ASCC3: variants seen among roughly 807,000 people sequenced by gnomAD.
ASCC3 encodes activating signal cointegrator 1 complex subunit 3.
Under a neutral mutation model 256.3 loss-of-function variants are expected in ASCC3, and 158 were observed. That is an observed-to-expected ratio of 0.62 (90% CI 0.54 to 0.70). ASCC3 has a LOEUF of 0.70. Ranked by LOEUF, ASCC3 falls within the 30% of genes least tolerant of loss-of-function variation. The probability of loss-of-function intolerance (pLI) is 0.00; values close to 1 mark genes in which losing one functional copy is unlikely to be tolerated. For synonymous variants in ASCC3, 948 were observed against 883.4 expected (o/e 1.07, Z -1.30); for missense variants, 2,259 against 2,626.0 (o/e 0.86, Z 3.05).
intron 30 of ASCC3, among the ~76,000 whole-genome samples, chr6:100,620,821 C>T (rs1014114611): frequency 3.3e-5 from 5 of 152,086 alleles, no homozygotes; most frequent in African/African-American, 4.8e-5. Flanking sequence ...CAGAATATTA[C>T]GGAAAGTAAC....
At chr6:100,613,433 A>C (rs183050874) in intron 30 of ASCC3, among the ~76,000 whole-genome samples, 10 of 152,200 alleles carry the variant, frequency 6.6e-5, no homozygotes, top group Admixed American at 3.9e-4. Flanking sequence ...TTCCCTTATG[A>C]TAATGACCTA....
At chr6:100,726,227 C>T in intron 10 of ASCC3, among the ~76,000 whole-genome samples, 1 of 151,648 alleles carries the variant, frequency 6.6e-6, no homozygotes, top group Admixed American at 6.6e-5. Flanking sequence ...AAAAACATGC[C>T]CATATGTTGT....
intron 11 of ASCC3, among the ~76,000 whole-genome samples, chr6:100,721,619 G>A (rs1285685122): frequency 6.6e-6 from 1 of 151,644 alleles, no homozygotes; most frequent in Non-Finnish European, 1.5e-5. Flanking sequence ...TTAGCTAAAA[G>A]CTGGTTTTAT....
At chr6:100,849,865 C>T (rs1325238324) in intron 3 of ASCC3, among the ~76,000 whole-genome samples, 5 of 151,754 alleles carry the variant, frequency 3.3e-5, no homozygotes, top group African/African-American at 1.2e-4. Context: ...TTTGGGAGGC[C>T]GAGGTGGGTG....
At chr6:100,727,365 T>A (rs1418657703) in intron 10 of ASCC3, among the ~76,000 whole-genome samples, 1 of 151,998 alleles carries the variant, frequency 6.6e-6, no homozygotes, top group Non-Finnish European at 1.5e-5. Flanking sequence ...CCAAAAGGAA[T>A]TTTTTGAATT....
chr6:100,585,998 G>C (rs527631439), intron 36 of ASCC3, among the ~76,000 whole-genome samples: 140 of 152,286 alleles, frequency 9.2e-4, no homozygotes, highest in East Asian at 5.8e-4. Context: ...CTACTGGGGG[G>C]TGCCTCCCAG....
intron 10 of ASCC3, among the ~76,000 whole-genome samples, chr6:100,749,891 T>A (rs1057461332): frequency 6.6e-6 from 1 of 151,614 alleles, no homozygotes; most frequent in Non-Finnish European, 1.5e-5. Flanking sequence ...ATTTTACATA[T>A]AAAATTAATA....
intron 36 of ASCC3, among the ~76,000 whole-genome samples, chr6:100,583,138 T>C (rs1771408272): frequency 6.6e-6 from 1 of 152,232 alleles, no homozygotes; most frequent in African/African-American, 2.4e-5. Context: ...TTTCTATTGA[T>C]TGGAATAGTT....
At chr6:100,800,000 A>T (rs1161894536) in intron 6 of ASCC3, among the ~76,000 whole-genome samples, 1 of 152,038 alleles carries the variant, frequency 6.6e-6, no homozygotes, top group Non-Finnish European at 1.5e-5. Flanking sequence ...ATCTCAAATA[A>T]ATTTATGTAA....
rs140812072 is a variant in ASCC3 at position 100,586,349 on chromosome 6, C to G, written c.5550+3285G>C. 6.7e-4 allele frequency among the ~76,000 whole-genome samples: 102 copies of G among 152,278 alleles called. 1 individual carries two copies. The highest frequency in any genetic ancestry group is 2.4e-3 in the African/African-American group (100 of 41,554). ...GTTTGACCTCAGACTGCTGTGCTAG[C>G]AATCAGTGAGACTCCGTGGGCGTAG... On this transcript the variant is annotated intron_variant, in intron 36 of 41. Transcript: ENST00000369162.
chr6:100,628,818 G>A (rs866627452), intron 27 of ASCC3, among the ~76,000 whole-genome samples, 197 bp downstream of exon 27: 3 of 151,826 alleles, frequency 2.0e-5, no homozygotes, highest in Non-Finnish European at 2.9e-5. Flanking sequence ...AATTTTTTAT[G>A]TTTCACCTCA....
Position 100,734,337 on chromosome 6 carries a change from T to A in ASCC3, c.1738-8634A>T, listed in dbSNP as rs886671347. Among the ~76,000 whole-genome samples the A allele has an allele frequency of 2.6e-5, 4 of 152,290 alleles. No individual in the cohort carries two copies. The South Asian group carries it at 8.3e-4, about 32-fold the overall frequency. On this transcript the variant is annotated intron_variant, in intron 10 of 41. Coordinates refer to ENST00000369162, the MANE Select transcript of ASCC3 (RefSeq NM_006828.4). The stretch of plus-strand genomic sequence containing the variant: ...ATTAAAATGAGTTTTTGATACGACA[T>A]AAATATCAGATATTTCAACAATACT...
chr6:100,585,092 T>C (rs1038665235), intron 36 of ASCC3, among the ~76,000 whole-genome samples: 30 of 152,220 alleles, frequency 2.0e-4, no homozygotes, highest in Admixed American at 1.2e-3. Flanking sequence ...ATCTTTGTGG[T>C]GTTCTCTGTA....
rs1326684978 is a variant in ASCC3, at chr6:100,509,193, C to G, written c.*193G>C. 4 of 663,880 alleles carry G rather than the reference C, an allele frequency of 6.0e-6. No individual in the cohort carries two copies. Among genetic ancestry groups the G allele is most frequent in the African/African-American group, 3.6e-5 (2 of 55,444 alleles). 41.1% of individuals were successfully genotyped at this position (663,880 alleles called of 1,614,324 possible). ...CTCATAAAGATAACATTATAAAAGGCAACATTTGTTAAAAGGCCACTGTGG... is the reference window on the plus strand; with the variant it reads ...CTCATAAAGATAACATTATAAAAGGGAACATTTGTTAAAAGGCCACTGTGG... On this transcript the variant is annotated 3_prime_UTR_variant, in exon 42 of 42. Coordinates refer to ENST00000369162, the MANE Select transcript of ASCC3 (RefSeq NM_006828.4).
At chr6:100,534,770 G>A (rs1775082614) in intron 37 of ASCC3, among the ~76,000 whole-genome samples, 1 of 152,186 alleles carries the variant, frequency 6.6e-6, no homozygotes, top group African/African-American at 2.4e-5. Flanking sequence ...GATAGGAGAA[G>A]CAAAGGCAGG....
chr6:100,716,753 G>C (rs975592874), intron 12 of ASCC3, among the ~76,000 whole-genome samples: 1 of 151,886 alleles, frequency 6.6e-6, no homozygotes, highest in Non-Finnish European at 1.5e-5. Context: ...GTACTGTAGT[G>C]AAATATACTT....
chr6:100,528,881 G>C (rs905334685), intron 37 of ASCC3, among the ~76,000 whole-genome samples: 1 of 152,208 alleles, frequency 6.6e-6, no homozygotes, highest in African/African-American at 2.4e-5. Flanking sequence ...TTGGAAGACA[G>C]ATCTTTACAT....
At chr6:100,608,063 T>TATATATGTATATATCG (rs1554200709) in intron 30 of ASCC3, among the ~76,000 whole-genome samples, 3 of 102,484 alleles carry the variant, frequency 2.9e-5, no homozygotes, top group African/African-American at 7.6e-5. Flanking sequence ...TATATACACA[T>TATATATGTATATATCG]ATATATACAT....
chr6:100,611,003 G>C (rs1054493493), intron 30 of ASCC3, among the ~76,000 whole-genome samples: 1 of 151,978 alleles, frequency 6.6e-6, no homozygotes, highest in Non-Finnish European at 1.5e-5. Context: ...GTAATTTGTA[G>C]TGCCCCGTGG....
Sources: gnomAD v4.1 joint callset for allele counts (sites outside exome capture counted in the v4.1 genomes callset) on GRCh38, gnomAD v4.1.1 for gene constraint, MANE v1.5 for transcripts, NCBI Gene and HGNC (gene_info 2026-07-23, HGNC 2026-07-21) for gene names.